BTRC: variants seen among roughly 807,000 people sequenced by gnomAD.
The protein encoded by BTRC is beta-transducin repeat containing E3 ubiquitin protein ligase.
Under a neutral mutation model 85.5 loss-of-function variants are expected in BTRC, and 42 were observed. The ratio of observed to expected loss-of-function variants is 0.49; its 90% CI spans 0.38 to 0.64. BTRC has a LOEUF of 0.64. BTRC is among the 30% of genes least tolerant of loss of function. BTRC has a pLI of 0.00. For synonymous variants in BTRC, 255 were observed against 263.3 expected (o/e 0.97, Z 0.30); for missense variants, 594 against 743.5 (o/e 0.80, Z 2.34).
chr10:101,407,294 G>C (rs1490392583), intron 1 of BTRC, among the ~76,000 whole-genome samples: 6 of 152,166 alleles, frequency 3.9e-5, no homozygotes, highest in Non-Finnish European at 8.8e-5. Flanking sequence ...GTTCTAGGGA[G>C]CTGTGATCAT....
intron 1 of BTRC, among the ~76,000 whole-genome samples, chr10:101,385,632 T>TTTTTGTG (rs1288309804): frequency 1.5e-4 from 22 of 143,944 alleles, no homozygotes; most frequent in African/African-American, 5.1e-4. Context: ...TTTTTTTTTT[T>TTTTTGTG]TGTGTGTTCT....
intron 1 of BTRC, among the ~76,000 whole-genome samples, chr10:101,423,597 A>G (rs1427617047): frequency 6.6e-6 from 1 of 152,214 alleles, no homozygotes; most frequent in Non-Finnish European, 1.5e-5. Flanking sequence ...GGAGACAAAC[A>G]CATTTGAGTA....
intron 1 of BTRC, among the ~76,000 whole-genome samples, chr10:101,425,657 T>G (rs1456255466): frequency 6.6e-6 from 1 of 151,446 alleles, no homozygotes; most frequent in Non-Finnish European, 1.5e-5. Context: ...AAAAAAAATG[T>G]TTTTTAGCCA....
chr10:101,545,786 C>G (rs2062549229), intron 13 of BTRC, among the ~76,000 whole-genome samples: 1 of 152,148 alleles, frequency 6.6e-6, no homozygotes, highest in African/African-American at 2.4e-5. Flanking sequence ...CCTGATGGAC[C>G]ATTCTAACAC....
In BTRC at chr10:101,555,336, C is replaced by A. The variant is rs2062711064; in HGVS notation, c.*2213C>A. On this transcript the variant is annotated 3_prime_UTR_variant, in exon 15 of 15. Coordinates refer to ENST00000370187, the MANE Select transcript of BTRC (RefSeq NM_033637.4). ...ATGTTTATTGGTGCCCAGGGTTTTG[C>A]TCTCCAATCTAGGTTCAGTTGAAGG... 6.6e-6 allele frequency: 1 copy of A among 152,640 alleles called. No individual in the cohort carries two copies. The highest frequency in any genetic ancestry group is 1.5e-5 in the Non-Finnish European group (1 of 68,042). The allele number at this position is 152,640 out of a possible 1,614,324, so 9.5% of individuals were successfully genotyped here. A position where few individuals can be genotyped will look rare whatever the true frequency, so the allele number is the denominator to read the frequency against.
Position 101,477,759 on chromosome 10 carries a change from C to T in BTRC, c.235-1609C>T, listed in dbSNP as rs540830998. ...CCATCTCCTGGGCTCAAGCGATTCT[C>T]GTCCCTCAGCCTCCTGAGTAGCTGG... On this transcript the variant is annotated intron_variant, in intron 3 of 14. Transcript: ENST00000370187. Among the ~76,000 whole-genome samples, 10 of 152,196 alleles carry T rather than the reference C, an allele frequency of 6.6e-5. No homozygotes were observed. In the South Asian group the frequency reaches 1.0e-3, roughly 16 times the overall value.
At chr10:101,455,983 A>AACACACACACAGACACAC (rs1208791807) in intron 2 of BTRC, among the ~76,000 whole-genome samples, 2 of 96,000 alleles carry the variant, frequency 2.1e-5, no homozygotes, top group Non-Finnish European at 4.0e-5. Context: ...CTCTACTAAA[A>AACACACACACAGACACAC]ACACACACAC....
At chr10:101,487,451 A>G (rs9419913) in intron 4 of BTRC, among the ~76,000 whole-genome samples, 22,376 of 152,260 alleles carry the variant, frequency 0.15, 2,049 homozygotes, top group Middle Eastern at 0.25. Flanking sequence ...AGCTACATCA[A>G]TAAACTGCAG....
intron 4 of BTRC, among the ~76,000 whole-genome samples, chr10:101,500,986 G>A: frequency 6.6e-6 from 1 of 152,182 alleles, no homozygotes; most frequent in Non-Finnish European, 1.5e-5. Context: ...CTGAGGTCAA[G>A]GAGTTCAAGA....
At position 101,511,461 on chromosome 10, in the gene BTRC, A is replaced by G. The variant is rs573090288; in HGVS notation, c.325-10178A>G. ...ATCTCACTCTGTTGCCCAGGCGTTC[A>G]AGCAGTTCTCGTGCCTCAGACTCCC... On this transcript the variant is annotated intron_variant, in intron 4 of 14. Coordinates refer to ENST00000370187, the MANE Select transcript of BTRC (RefSeq NM_033637.4). 6.6e-5 allele frequency among the ~76,000 whole-genome samples: 10 copies of G among 152,164 alleles called. No individual in the cohort carries two copies. The East Asian group carries it at 1.9e-3, about 29-fold the overall frequency.
chr10:101,419,658 A>C (rs75714044), intron 1 of BTRC, among the ~76,000 whole-genome samples: 99 of 152,270 alleles, frequency 6.5e-4, no homozygotes, highest in African/African-American at 2.4e-3. Flanking sequence ...TGCAGTCTTA[A>C]CCTAATTAGG....
intron 1 of BTRC, among the ~76,000 whole-genome samples, chr10:101,425,601 T>C (rs1316247243): frequency 1.3e-5 from 2 of 151,732 alleles, no homozygotes; most frequent in Non-Finnish European, 2.9e-5. Flanking sequence ...GGAGAATGCG[T>C]AGTTGCTGCT....
chr10:101,451,507 C>T (rs2134140079), intron 2 of BTRC, among the ~76,000 whole-genome samples: 1 of 152,280 alleles, frequency 6.6e-6, no homozygotes, highest in South Asian at 2.1e-4. Context: ...CATAACATAT[C>T]TGTAATCTCT....
chr10:101,512,863 A>G (rs2061974174), intron 4 of BTRC, among the ~76,000 whole-genome samples: 1 of 152,228 alleles, frequency 6.6e-6, no homozygotes, highest in South Asian at 2.1e-4. Context: ...AACAAAAAAG[A>G]AGAGGGAGAT....
chr10:101,404,585 T>G (rs10786634), intron 1 of BTRC, among the ~76,000 whole-genome samples: 43,621 of 152,072 alleles, frequency 0.29, 7,476 homozygotes, highest in Middle Eastern at 0.45. Context: ...AGGATTGTGG[T>G]TTCAATGTCT....
chr10:101,361,975 C>G lies in BTRC; in HGVS notation c.48+7747C>G, dbSNP rs149025062. Among the ~76,000 whole-genome samples, 739 of 152,018 alleles carry G rather than the reference C, an allele frequency of 4.9e-3. 8 individuals are homozygous for G. Among genetic ancestry groups the G allele is most frequent in the African/African-American group, 0.017 (695 of 41,474 alleles). ...TGAGTTGGATATTTTTTTTTCTTCC[C>G]CCTTGAGACGGAGTCTCACTCTGTC... On this transcript the variant is annotated intron_variant, in intron 1 of 14. Transcript: ENST00000370187.
chr10:101,542,284 T>A (rs34101933), intron 13 of BTRC, among the ~76,000 whole-genome samples: 1 of 151,850 alleles, frequency 6.6e-6, no homozygotes, highest in Non-Finnish European at 1.5e-5. Context: ...TTGATTTTTT[T>A]TTTTTATTTT....
chr10:101,408,865 G>A (rs866777012), intron 1 of BTRC, among the ~76,000 whole-genome samples: 47 of 152,026 alleles, frequency 3.1e-4, no homozygotes, highest in Middle Eastern at 3.4e-3. Flanking sequence ...TAGCCAACAC[G>A]GTGAAACCCT....
At chr10:101,385,234 G>A (rs535031759) in intron 1 of BTRC, among the ~76,000 whole-genome samples, 37 of 151,818 alleles carry the variant, frequency 2.4e-4, no homozygotes, top group African/African-American at 8.7e-4. Context: ...GGGCGTGGTG[G>A]CGGGCACCTG....
Sources: allele counts gnomAD v4.1 joint callset (sites outside exome capture counted in the v4.1 genomes callset), GRCh38; gene constraint gnomAD v4.1.1; transcripts MANE v1.5; gene names NCBI Gene and HGNC (gene_info 2026-07-23, HGNC 2026-07-21).